CDHR1: variants seen among roughly 807,000 people sequenced by gnomAD.
The protein encoded by CDHR1 is cadherin related family member 1, also known as cadherin-related family member 1.
Under a neutral mutation model 72.1 loss-of-function variants are expected in CDHR1, and 61 were observed. That is an observed-to-expected ratio of 0.85 (90% CI 0.69 to 1.05). The LOEUF (loss-of-function observed/expected upper bound fraction) is 1.05. CDHR1 is among the 50% of genes least tolerant of loss of function. The pLI is 0.00. For synonymous variants in CDHR1, 470 were observed against 448.1 expected (o/e 1.05, Z -0.62); for missense variants, 1,186 against 1,115.7 (o/e 1.06, Z -0.90).
chr10:84,205,322 C>G (rs1341320508), intron 9 of CDHR1, among the ~76,000 whole-genome samples: 2 of 152,114 alleles, frequency 1.3e-5, no homozygotes, highest in African/African-American at 4.8e-5. Context: ...CCTCACAGGA[C>G]CTCAGCTGCC....
At chr10:84,204,220 G>T (rs542885350) in intron 8 of CDHR1, among the ~76,000 whole-genome samples, 12 of 152,276 alleles carry the variant, frequency 7.9e-5, no homozygotes, top group Admixed American at 5.9e-4. Context: ...AGCAGTAGAG[G>T]CAAGGGCTGA....
chr10:84,200,291 C>T (rs867841444), intron 5 of CDHR1, among the ~76,000 whole-genome samples: 4 of 152,220 alleles, frequency 2.6e-5, no homozygotes, highest in Non-Finnish European at 5.9e-5. Flanking sequence ...GCCATCTCCT[C>T]CTTTTTGAAT....
At position 84,209,012 on chromosome 10, in the gene CDHR1, C is replaced by T. The variant is rs1842282076; in HGVS notation, c.1320+131C>T. ...TGGCCCTACTCTTTTCTTCTCCAGC[C>T]CTCTGCCCCTCCTGCAGATTGCTCA... On this transcript the variant is annotated intron_variant, in intron 12 of 16. Transcript: ENST00000623527. 5.0e-6 allele frequency: 5 copies of T among 1,004,978 alleles called. No individual in the cohort carries two copies. The East Asian group carries it at 1.3e-4, about 26-fold the overall frequency. 62.3% of individuals were successfully genotyped at this position (1,004,978 alleles called of 1,614,324 possible).
intron 5 of CDHR1, among the ~76,000 whole-genome samples, chr10:84,199,917 A>T (rs909353645): frequency 6.6e-6 from 1 of 152,206 alleles, no homozygotes; most frequent in South Asian, 2.1e-4. Context: ...TCACACCTGT[A>T]ATCCCAGCAC....
chr10:84,211,945 G>C (rs535929314), intron 14 of CDHR1, among the ~76,000 whole-genome samples: 1 of 152,322 alleles, frequency 6.6e-6, no homozygotes, highest in South Asian at 2.1e-4. Flanking sequence ...GCCATAGGAA[G>C]AGAGAAAGAC....
chr10:84,204,477 G>C, intron 8 of CDHR1, 50 bp from the exon 9 acceptor site: 1 of 1,275,382 alleles, frequency 7.8e-7, no homozygotes, highest in Non-Finnish European at 1.1e-6. Context: ...TTGGGGAGGG[G>C]AGGGTCCCCA....
At chr10:84,200,426 C>A (rs1012419878) in intron 5 of CDHR1, among the ~76,000 whole-genome samples, 175 bp from the exon 6 acceptor site, 1 of 152,192 alleles carries the variant, frequency 6.6e-6, no homozygotes, top group African/African-American at 2.4e-5. Context: ...TTCCCTCTTT[C>A]CTGCACCCTC....
chr10:84,215,668 G>A lies in CDHR1; in HGVS notation c.*1047G>A. 3 of 985,238 alleles carry A rather than the reference G, an allele frequency of 3.0e-6. No homozygotes were observed. The South Asian group carries it at 1.4e-4, about 46-fold the overall frequency. 61.0% of individuals were successfully genotyped at this position (985,238 alleles called of 1,614,324 possible). On this transcript the variant is annotated 3_prime_UTR_variant, in exon 17 of 17. Transcript: ENST00000623527. ...TAGTGGTGATGAGGGCTTTAACCAA[G>A]TGCAAAGCGGCATGAATGCAAAGTA...
chr10:84,199,982 G>A (rs1842094264), intron 5 of CDHR1, among the ~76,000 whole-genome samples: 2 of 152,186 alleles, frequency 1.3e-5, no homozygotes, highest in Non-Finnish European at 2.9e-5. Flanking sequence ...AGACCAGCCT[G>A]ACCAACATGG....
At chr10:84,206,413 G>C (rs1842227517) in intron 10 of CDHR1, among the ~76,000 whole-genome samples, 1 of 152,220 alleles carries the variant, frequency 6.6e-6, no homozygotes, top group African/African-American at 2.4e-5. Context: ...CATGTGACCT[G>C]TGAAGTCACA....
chr10:84,208,773 C>T lies in CDHR1; in HGVS notation c.1212C>T (p.Gly404=). Residue 404 remains glycine, a synonymous_variant, in exon 12 of 17, where the codon GGC becomes GGT. Coordinates refer to ENST00000623527, the MANE Select transcript of CDHR1 (RefSeq NM_033100.4). The stretch of plus-strand genomic sequence containing the variant: ...ACTTGCAGCTGGTGGGACCCAGGGG[C>T]ATCTTCCGAGTGGTTCCACAGACAG... ...KFNLQLVGPR[G]IFRVVPQTVL... is the part of the protein sequence containing the mutation. The T allele has an allele frequency of 6.2e-7, 1 of 1,614,162 alleles. No individual in the cohort carries two copies. Among genetic ancestry groups the T allele is most frequent in the Non-Finnish European group, 8.5e-7 (1 of 1,179,968 alleles).
In CDHR1 at chr10:84,217,386, C is replaced by T; in HGVS notation, c.*2765C>T. The T allele has an allele frequency of 4.1e-6, 4 of 985,470 alleles. No individual in the cohort carries two copies. The highest frequency in any genetic ancestry group is 4.8e-6 in the Non-Finnish European group (4 of 829,936). 61.0% of individuals were successfully genotyped at this position (985,470 alleles called of 1,614,324 possible). On this transcript the variant is annotated 3_prime_UTR_variant, in exon 17 of 17. Coordinates refer to ENST00000623527, the MANE Select transcript of CDHR1 (RefSeq NM_033100.4). ...ACCAAATACTCTGCAGAGTCATTTTCCTCCTGCGGCTGAGCTCAGATCTTC... is the reference window on the plus strand; with the variant it reads ...ACCAAATACTCTGCAGAGTCATTTTTCTCCTGCGGCTGAGCTCAGATCTTC...
chr10:84,196,479 T>C, intron 2 of CDHR1, 26 bp from the exon 3 acceptor site: 5 of 1,614,108 alleles, frequency 3.1e-6, no homozygotes, highest in South Asian at 1.1e-5. Context: ...TCAGATTCTA[T>C]GTCTCTCCAC....
At chr10:84,207,724 G>A (rs1037511880) in intron 10 of CDHR1, among the ~76,000 whole-genome samples, 1 of 152,170 alleles carries the variant, frequency 6.6e-6, no homozygotes, top group African/African-American at 2.4e-5. Flanking sequence ...CAGCTTGGCT[G>A]GGTCTTCGGT....
intron 15 of CDHR1, chr10:84,212,814 C>T (rs1197159893): frequency 3.5e-6 from 2 of 566,760 alleles, no homozygotes; most frequent in Non-Finnish European, 6.3e-6. Context: ...CACTTTGCAT[C>T]TAAGCTTTCA....
At position 84,194,793 on chromosome 10, in the gene CDHR1, G is replaced by A; in HGVS notation, c.33G>A (p.Leu11=). MRRCRWAALA[L]GLLRLCLAQA... ...GCTGCCGGTGGGCCGCCCTGGCCCT[G>A]GGGCTGCTGCGCCTCTGCTTGGGTG... Residue 11 remains leucine (L), a synonymous_variant, in exon 1 of 17, where the codon CTG becomes CTA. Transcript: ENST00000623527. The A allele has an allele frequency of 1.3e-6, 2 of 1,531,830 alleles. No individual in the cohort carries two copies. The highest frequency in any genetic ancestry group is 2.2e-4 in the Middle Eastern group (1 of 4,472). The allele number at this position is 1,531,830 out of a possible 1,614,324, so 94.9% of individuals were successfully genotyped here.
chr10:84,213,688 G>A (rs1842378057), intron 16 of CDHR1, among the ~76,000 whole-genome samples: 1 of 152,120 alleles, frequency 6.6e-6, no homozygotes, highest in Non-Finnish European at 1.5e-5. Context: ...TCACTTAAGA[G>A]ACTCCTGATA....
chr10:84,219,061 T>G, downstream of CDHR1: 1 of 857,180 alleles, frequency 1.2e-6, no homozygotes, highest in South Asian at 1.7e-5. Context: ...AATGTACTAT[T>G]ATTATTCTAT....
chr10:84,206,959 G>A (rs1451128231), intron 10 of CDHR1, among the ~76,000 whole-genome samples: 3 of 152,202 alleles, frequency 2.0e-5, no homozygotes, highest in Non-Finnish European at 4.4e-5. Context: ...GAAATTGCCT[G>A]ATCTTGAGGG....
Sources: gnomAD v4.1 joint callset for allele counts (sites outside exome capture counted in the v4.1 genomes callset) on GRCh38, gnomAD v4.1.1 for gene constraint, MANE v1.5 for transcripts, NCBI Gene and HGNC (gene_info 2026-07-23, HGNC 2026-07-21) for gene names.